Variants in PAG1 observed in about 807,000 individuals in gnomAD.
The protein encoded by PAG1 is phosphoprotein membrane anchor with glycosphingolipid microdomains 1.
Under a neutral mutation model 31.7 loss-of-function variants are expected in PAG1, and 23 were observed. The observed-to-expected ratio is 0.73, with a 90% confidence interval of 0.52 to 1.03. The LOEUF is 1.03. Ranked by LOEUF, PAG1 falls within the 50% of genes least tolerant of loss-of-function variation. The probability of loss-of-function intolerance (pLI) is 0.00; values close to 1 mark genes in which losing one functional copy is unlikely to be tolerated. For missense variants in PAG1, 473 were observed against 540.7 expected (o/e 0.87, Z 1.24); for synonymous variants, 214 against 210.3 (o/e 1.02, Z -0.15).
chr8:81,066,303 T>C (rs1402567879), intron 2 of PAG1, among the ~76,000 whole-genome samples: 1 of 152,216 alleles, frequency 6.6e-6, no homozygotes, highest in Non-Finnish European at 1.5e-5. Flanking sequence ...AAATGTTCCT[T>C]TTACACTTGC....
At chr8:80,982,539 T>C (rs1226556084) in intron 7 of PAG1, among the ~76,000 whole-genome samples, 1 of 152,184 alleles carries the variant, frequency 6.6e-6, no homozygotes, top group Non-Finnish European at 1.5e-5. Flanking sequence ...TCTCATGACT[T>C]TTAAAACCAC....
intron 3 of PAG1, among the ~76,000 whole-genome samples, chr8:81,009,624 AC>A (rs1807945684): frequency 6.6e-6 from 1 of 152,084 alleles, no homozygotes; most frequent in East Asian, 1.9e-4. Flanking sequence ...TCCATTGCCA[AC>A]TTTTTTTTTA....
At position 80,974,635 on chromosome 8, in the gene PAG1, G is replaced by C. The variant is rs1807147646; in HGVS notation, c.*1909C>G. ...CACAAAGTCAAGCCATGAATACAGG[G>C]ATGGAAAAACATTCCAGTGAGCTGG... On this transcript the variant is annotated 3_prime_UTR_variant, in exon 9 of 9. Transcript: ENST00000220597. 1.3e-5 allele frequency: 2 copies of C among 152,198 alleles called. No homozygotes were observed. The highest frequency in any genetic ancestry group is 2.9e-5 in the Non-Finnish European group (2 of 68,036). The allele number at this position is 152,198 out of a possible 1,614,324, so 9.4% of individuals were successfully genotyped here. A position where few individuals can be genotyped will look rare whatever the true frequency, so the allele number is the denominator to read the frequency against.
At chr8:81,107,493 C>G (rs556192426) in intron 1 of PAG1, among the ~76,000 whole-genome samples, 1 of 152,314 alleles carries the variant, frequency 6.6e-6, no homozygotes, top group South Asian at 2.1e-4. Flanking sequence ...CTGGGCTCCA[C>G]TCTTTACTCT....
At chr8:81,110,444 G>T (rs1421939357) in intron 1 of PAG1, among the ~76,000 whole-genome samples, 1 of 152,084 alleles carries the variant, frequency 6.6e-6, no homozygotes, top group African/African-American at 2.4e-5. Flanking sequence ...ATAATCCATA[G>T]CTCTGCTTAA....
intron 2 of PAG1, among the ~76,000 whole-genome samples, chr8:81,046,350 C>G (rs1169018411): frequency 6.6e-6 from 1 of 152,158 alleles, no homozygotes; most frequent in Non-Finnish European, 1.5e-5. Context: ...TATCCATAAA[C>G]TGTTTAGTTT....
At position 81,063,958 on chromosome 8, in the gene PAG1, G is replaced by T. The variant is rs550771741; in HGVS notation, c.-175+6154C>A. On this transcript the variant is annotated intron_variant, in intron 2 of 8. Transcript: ENST00000220597. ...AGTACCAGTATGTCAAGGTTGATCT[G>T]CTCTAAGGGCAGGATTTATGGTAGG... 1.2e-4 allele frequency among the ~76,000 whole-genome samples: 19 copies of T among 152,278 alleles called. 1 individual carries two copies. The East Asian group carries it at 3.5e-3, about 28-fold the overall frequency.
chr8:81,032,122 A>G (rs1049980127), intron 2 of PAG1, among the ~76,000 whole-genome samples: 1 of 152,248 alleles, frequency 6.6e-6, no homozygotes, highest in Non-Finnish European at 1.5e-5. Flanking sequence ...TATTAGAAAA[A>G]AAACCAAAGG....
At chr8:81,099,133 A>G (rs1421860892) in intron 1 of PAG1, among the ~76,000 whole-genome samples, 1 of 152,230 alleles carries the variant, frequency 6.6e-6, no homozygotes, top group African/African-American at 2.4e-5. Flanking sequence ...GGGGTATTAC[A>G]TTAATATACA....
chr8:81,050,480 A>G (rs1808710710), intron 2 of PAG1, among the ~76,000 whole-genome samples: 1 of 152,156 alleles, frequency 6.6e-6, no homozygotes, highest in Admixed American at 6.5e-5. Flanking sequence ...ACCATGTTGC[A>G]GTTCTCAAGC....
intron 3 of PAG1, among the ~76,000 whole-genome samples, chr8:81,029,556 TA>T (rs1182938078): frequency 6.6e-6 from 1 of 152,170 alleles, no homozygotes; most frequent in Non-Finnish European, 1.5e-5. Flanking sequence ...TGGTGTAAAA[TA>T]TTATGATTCA....
At chr8:80,986,228 A>G (rs774781175) in intron 6 of PAG1, among the ~76,000 whole-genome samples, 1 of 152,122 alleles carries the variant, frequency 6.6e-6, no homozygotes, top group Non-Finnish European at 1.5e-5. Context: ...GGATCCCCCA[A>G]TCCTTCTGAA....
Position 80,969,571 on chromosome 8 carries a change from A to G in PAG1, c.*6973T>C, listed in dbSNP as rs1807033521. 6.6e-6 allele frequency: 1 copy of G among 152,274 alleles called. No individual in the cohort carries two copies. The highest frequency in any genetic ancestry group is 1.5e-5 in the Non-Finnish European group (1 of 68,054). 9.4% of individuals were successfully genotyped at this position (152,274 alleles called of 1,614,324 possible). A position where few individuals can be genotyped will look rare whatever the true frequency, so the allele number is the denominator to read the frequency against. ...AGGACATGACAACAAGATAGTTCTG[A>G]ACTGTAGGCTCTAGGGAGCAACTGG... On this transcript the variant is annotated 3_prime_UTR_variant, in exon 9 of 9. Coordinates refer to ENST00000220597, the MANE Select transcript of PAG1 (RefSeq NM_018440.4).
chr8:81,059,026 G>C (rs996134239), intron 2 of PAG1, among the ~76,000 whole-genome samples: 3 of 151,832 alleles, frequency 2.0e-5, no homozygotes, highest in African/African-American at 7.3e-5. Flanking sequence ...TGGTATCTGG[G>C]GGACTGGTTC....
At position 80,976,672 on chromosome 8, in the gene PAG1, G is replaced by A. The variant is rs780023703; in HGVS notation, c.1171C>T (p.Gln391Ter). The A allele has an allele frequency of 1.9e-6, 3 of 1,614,174 alleles. No homozygotes were observed. In the East Asian group the frequency reaches 6.7e-5, roughly 36 times the overall value. Reference protein sequence around the residue: ...EEPEPDYEAIQTLNREEEKAT... With the variant: ...EEPEPDYEAI ...TTTTCTTCCTCTCTGTTGAGAGTCT[G>A]TATCGCTTCATAATCAGGCTCTGGC... The change falls in exon 9 of 9, where the codon CAG becomes TAG. Residue 391 changes from glutamine (Q) to a stop codon, truncating the protein, a stop_gained. Transcript: ENST00000220597. LOFTEE classifies it high-confidence loss of function.
chr8:81,066,411 C>A (rs1046169742), intron 2 of PAG1, among the ~76,000 whole-genome samples: 6 of 152,142 alleles, frequency 3.9e-5, no homozygotes, highest in Admixed American at 1.3e-4. Context: ...ATTGTGCCTG[C>A]ACCACAGATT....
Position 80,967,902 on chromosome 8 carries a change from A to C in PAG1, c.*8642T>G, listed in dbSNP as rs1010251649. Reference sequence around the variant, plus strand: ...ACAACATACCTGCTATTTACATGTAATCATACTTTTATATATAGCTTGAAT... The same window carrying C: ...ACAACATACCTGCTATTTACATGTACTCATACTTTTATATATAGCTTGAAT... On this transcript the variant is annotated 3_prime_UTR_variant, in exon 9 of 9. Transcript: ENST00000220597. 1 of 152,230 alleles carries C rather than the reference A, an allele frequency of 6.6e-6. No individual in the cohort carries two copies. The highest frequency in any genetic ancestry group is 1.9e-4 in the East Asian group (1 of 5,208). The allele number at this position is 152,230 out of a possible 1,614,324, so 9.4% of individuals were successfully genotyped here. A position where few individuals can be genotyped will look rare whatever the true frequency, so the allele number is the denominator to read the frequency against.
intron 1 of PAG1, among the ~76,000 whole-genome samples, chr8:81,097,121 G>C (rs1191817280): frequency 6.6e-6 from 1 of 152,174 alleles, no homozygotes; most frequent in African/African-American, 2.4e-5. Context: ...CATCCCCAGG[G>C]AAAGCATTTA....
At chr8:81,105,130 C>T (rs1363826360) in intron 1 of PAG1, among the ~76,000 whole-genome samples, 2 of 152,128 alleles carry the variant, frequency 1.3e-5, no homozygotes, top group Admixed American at 6.6e-5. Flanking sequence ...CCATCAAGCC[C>T]GGCTGCGTTA....
Sources: allele counts gnomAD v4.1 joint callset (sites outside exome capture counted in the v4.1 genomes callset), GRCh38; gene constraint gnomAD v4.1.1; transcripts MANE v1.5; gene names NCBI Gene and HGNC (gene_info 2026-07-23, HGNC 2026-07-21).